CYB561: variants seen among roughly 807,000 people sequenced by gnomAD.
CYB561 encodes the protein cytochrome b561.
In CYB561, 11 loss-of-function variants were observed where a neutral mutation model predicts 25.3. The observed-to-expected ratio is 0.44, with a 90% confidence interval of 0.27 to 0.72. CYB561 has a LOEUF of 0.72. Ranked by LOEUF, CYB561 falls within the 30% of genes least tolerant of loss-of-function variation. The pLI, the probability that CYB561 is intolerant of heterozygous loss-of-function variation, is 0.18. For missense variants in CYB561, 295 were observed against 334.9 expected (o/e 0.88, Z 0.93); for synonymous variants, 165 against 158.8 (o/e 1.04, Z -0.29).
chr17:63,440,906 C>T (rs2049368902), intron 1 of CYB561: 1 of 152,234 alleles, frequency 6.6e-6, no homozygotes, highest in Non-Finnish European at 1.5e-5. Flanking sequence ...AGATTCATCC[C>T]CAGAGAGCCT....
chr17:63,445,315 C>A (rs191768174), intron 1 of CYB561, among the ~76,000 whole-genome samples: 2 of 151,384 alleles, frequency 1.3e-5, no homozygotes, highest in Admixed American at 1.3e-4. Context: ...GCCACCGCCT[C>A]GTATTTTCCT....
intron 1 of CYB561, chr17:63,438,340 T>A: frequency 1.3e-6 from 1 of 779,530 alleles, no homozygotes; most frequent in Non-Finnish European, 2.0e-6. Flanking sequence ...CGTCATGAAG[T>A]ACATCTCGGG....
intron 1 of CYB561, among the ~76,000 whole-genome samples, chr17:63,443,795 T>A (rs1156371262): frequency 6.6e-6 from 1 of 152,006 alleles, no homozygotes; most frequent in Non-Finnish European, 1.5e-5. Context: ...CCAGTTAATT[T>A]TTTCTTTTTT....
intron 1 of CYB561, chr17:63,442,749 C>G (rs1409347324): frequency 6.6e-6 from 1 of 152,220 alleles, no homozygotes; most frequent in Non-Finnish European, 1.5e-5. Flanking sequence ...GAGAGTCACC[C>G]TCGTCCCCAC....
intron 1 of CYB561, among the ~76,000 whole-genome samples, chr17:63,443,052 C>T (rs1297104985): frequency 1.3e-5 from 2 of 152,174 alleles, no homozygotes; most frequent in East Asian, 1.9e-4. Flanking sequence ...ACTGTGACTG[C>T]GGAAAGGCCG....
In CYB561 at chr17:63,437,432, C is replaced by T. The variant is rs770920986; in HGVS notation, c.116G>A (p.Arg39Gln). Residue 39 changes from arginine to glutamine, a missense_variant, in exon 2 of 6, where the codon CGA becomes CAA. Coordinates refer to ENST00000360793, the MANE Select transcript of CYB561 (RefSeq NM_001915.4). ...GTCGCTCTCCCAGGCAATGCCGCCT[C>T]GGTACAGCCCGAGCCACGCGCCGGT... The part of the protein sequence containing the change: ...AMTGAWLGLY[R>Q]GGIAWESDLQ... 6.2e-7 allele frequency: 1 copy of T among 1,614,032 alleles called. No homozygotes were observed. Among genetic ancestry groups the T allele is most frequent in the Non-Finnish European group, 8.5e-7 (1 of 1,179,996 alleles).
At chr17:63,439,563 G>T (rs184353965) in intron 1 of CYB561, among the ~76,000 whole-genome samples, 1 of 151,862 alleles carries the variant, frequency 6.6e-6, no homozygotes, top group African/African-American at 2.4e-5. Flanking sequence ...AAAAAAAAAA[G>T]GGTGTGTGTG....
At chr17:63,437,906 C>A in intron 1 of CYB561, 1 of 484,342 alleles carries the variant, frequency 2.1e-6, no homozygotes, top group East Asian at 4.1e-5. Context: ...CGCATGTCCC[C>A]CCCACGGATG....
At chr17:63,435,950 G>A (rs887198127) in intron 3 of CYB561, 104 bp downstream of exon 3, 28 of 1,598,760 alleles carry the variant, frequency 1.8e-5, no homozygotes, top group East Asian at 4.5e-5. Context: ...GGGTGGGGGC[G>A]GGCCCATCAC....
chr17:63,437,083 C>G (rs1174833823), intron 2 of CYB561: 1 of 527,858 alleles, frequency 1.9e-6, no homozygotes, highest in Admixed American at 3.6e-5. Flanking sequence ...CCCTCTGCTG[C>G]AAGAAGTGCC....
Position 63,436,110 on chromosome 17 carries a change from G to T in CYB561, c.245C>A (p.Thr82Asn). 1 of 1,614,228 alleles carries T rather than the reference G, an allele frequency of 6.2e-7. No individual in the cohort carries two copies. The highest frequency in any genetic ancestry group is 1.1e-5 in the South Asian group (1 of 91,088). The change falls in exon 3 of 6, where the codon ACC (threonine) becomes AAC (asparagine). Residue 82 changes from threonine (T) to asparagine (N), a missense_variant. By Grantham distance (65) the Thr-to-Asn change is moderately conservative. Coordinates refer to ENST00000360793, the MANE Select transcript of CYB561 (RefSeq NM_001915.4). This position sits in a 1 kb window ranked among gnomAD's most constrained non-coding sequence, Gnocchi z 4.8. ...YRVFRNEAKR[T>N]TKVLHGLLHI... Reference sequence around the variant, plus strand: ...CAGCAGCCCGTGCAGGACCTTGGTGGTGCGTTTAGCTTCGTTCCTGAAGAC... The same window carrying T: ...CAGCAGCCCGTGCAGGACCTTGGTGTTGCGTTTAGCTTCGTTCCTGAAGAC...
At position 63,434,096 on chromosome 17, in the gene CYB561, G is replaced by A. The variant is rs1000899641; in HGVS notation, c.*306C>T. The A allele has an allele frequency of 1.2e-5, 4 of 328,980 alleles. No homozygotes were observed. The highest frequency in any genetic ancestry group is 4.7e-5 in the Admixed American group (1 of 21,362). 20.4% of individuals were successfully genotyped at this position (328,980 alleles called of 1,614,324 possible). A position where few individuals can be genotyped will look rare whatever the true frequency, so the allele number is the denominator to read the frequency against. On this transcript the variant is annotated 3_prime_UTR_variant, in exon 6 of 6. Coordinates refer to ENST00000360793, the MANE Select transcript of CYB561 (RefSeq NM_001915.4). Reference sequence around the variant, plus strand: ...CCAGGAGGGTGGGGCCTCCTCTCTCGCTTCTTTAAAGATCTGTGCTCTGCG... The same window carrying A: ...CCAGGAGGGTGGGGCCTCCTCTCTCACTTCTTTAAAGATCTGTGCTCTGCG...
In CYB561 at chr17:63,435,610, T is replaced by C. The variant is rs1042952625; in HGVS notation, c.405+78A>G. ...CCAGAAATCAGGCCCTTCCATGAGG[T>C]ACATTTCAGCCCAGCTCCCCTCCTC... On this transcript the variant is annotated intron_variant, in intron 4 of 5. Transcript: ENST00000360793. 5 of 1,144,314 alleles carry C rather than the reference T, an allele frequency of 4.4e-6. No individual in the cohort carries two copies. In the South Asian group the frequency reaches 6.2e-5, roughly 14 times the overall value. The allele number at this position is 1,144,314 out of a possible 1,614,324, so 70.9% of individuals were successfully genotyped here.
chr17:63,433,431 G>C lies in CYB561; in HGVS notation c.*971C>G. On this transcript the variant is annotated 3_prime_UTR_variant, in exon 6 of 6. Coordinates refer to ENST00000360793, the MANE Select transcript of CYB561 (RefSeq NM_001915.4). ...TCCTGACTTCCTGGAAAGATGGGCA[G>C]CAGATAAGGAGAAGGCTCGTCCTCC... The C allele has an allele frequency of 2.5e-6, 1 of 398,888 alleles. No individual in the cohort carries two copies. The highest frequency in any genetic ancestry group is 4.4e-6 in the Non-Finnish European group (1 of 226,272). 24.7% of individuals were successfully genotyped at this position (398,888 alleles called of 1,614,324 possible).
At chr17:63,440,824 T>C (rs1280259071) in intron 1 of CYB561, 1 of 152,288 alleles carries the variant, frequency 6.6e-6, no homozygotes. Flanking sequence ...CAGGAAAATG[T>C]ACTGAAAGAA....
At chr17:63,443,743 T>C (rs1409246885) in intron 1 of CYB561, among the ~76,000 whole-genome samples, 2 of 152,180 alleles carry the variant, frequency 1.3e-5, no homozygotes, top group African/African-American at 4.8e-5. Context: ...TCCTCCCACC[T>C]CAGCCTCTCA....
chr17:63,439,030 C>T (rs9906506), intron 1 of CYB561: 3,522 of 152,564 alleles, frequency 0.023, 45 homozygotes, highest in South Asian at 0.034. Context: ...GGCCCCTTGC[C>T]ACGGTCCAGC....
Position 63,434,456 on chromosome 17 carries a change from G to A in CYB561, c.702C>T (p.Ala234=). The A allele has an allele frequency of 6.2e-7, 1 of 1,602,764 alleles. No individual in the cohort carries two copies. Among genetic ancestry groups the A allele is most frequent in the Non-Finnish European group, 8.5e-7 (1 of 1,174,894 alleles). Residue 234 remains alanine, a synonymous_variant, in exon 6 of 6, where the codon GCC becomes GCT. Transcript: ENST00000360793. The stretch of plus-strand genomic sequence containing the variant: ...TCAGCGTCTTGAAGTCCATGGAGAG[G>A]GCCTGCTCTTCCGCCTGGGAAGGCC... The part of the protein sequence containing the change: ...WKRPSQAEEQ[A]LSMDFKTLTE...
chr17:63,437,915 T>G, intron 1 of CYB561: 4 of 415,582 alleles, frequency 9.6e-6, no homozygotes, highest in Non-Finnish European at 1.5e-5. Flanking sequence ...CCCCCACGGA[T>G]GCGCACAGCC....
Sources: gnomAD v4.1 joint callset for allele counts (sites outside exome capture counted in the v4.1 genomes callset) on GRCh38, gnomAD v4.1.1 for gene constraint, Gnocchi (gnomAD v3.1) non-coding constraint, MANE v1.5 for transcripts, NCBI Gene and HGNC (gene_info 2026-07-23, HGNC 2026-07-21) for gene names.